The following APOLD1 variants were observed in gnomAD, a reference collection of about 807,000 sequenced individuals.
APOLD1 encodes the protein apolipoprotein L domain containing 1, also known as apolipoprotein L domain-containing protein 1.
APOLD1 carries 22 observed loss-of-function variants against 15.3 expected under a neutral mutation model. The ratio of observed to expected loss-of-function variants is 1.44; its 90% CI spans 1.03 to 2.05. The LOEUF (loss-of-function observed/expected upper bound fraction) is 2.05, where lower values mean the gene tolerates loss of function less well. Among genes scored for constraint, APOLD1 ranks in the 30% most tolerant of loss-of-function variants. The pLI is 0.00. For missense variants in APOLD1, 394 were observed against 353.5 expected (o/e 1.11, Z -0.92); for synonymous variants, 190 against 167.4 (o/e 1.13, Z -1.04).
At chr12:12,783,845 G>C (rs988003608), upstream of APOLD1, among the ~76,000 whole-genome samples, 21 of 151,788 alleles carry the variant, frequency 1.4e-4, no homozygotes, top group African/African-American at 4.6e-4. Context: ...TGTCAACCAG[G>C]CTGGTCTCGA....
At position 12,787,358 on chromosome 12, in the gene APOLD1, G is replaced by T. The variant is rs150018613; in HGVS notation, c.453G>T (p.Gln151His). 3.5e-4 allele frequency: 564 copies of T among 1,614,084 alleles called. No homozygotes were observed. Among genetic ancestry groups the T allele is most frequent in the Admixed American group, 1.4e-3 (82 of 60,034 alleles). ...GCTGGCAGGGCTGCGGGGACCGCCA[G>T]CTGCTGCAGTGCGGGAGGAACGCCT... Reference protein sequence around the residue: ...FCRWQGCGDRQLLQCGRNASI... With the variant: ...FCRWQGCGDRHLLQCGRNASI... Residue 151 changes from glutamine (Q) to histidine (H), a missense_variant, in exon 2 of 2, where the codon CAG becomes CAT. By Grantham distance (24) the Gln-to-His change is conservative. Transcript: ENST00000356591. The surrounding 1 kb of genome is among the most constrained non-coding windows in gnomAD (Gnocchi z 4.9).
At chr12:12,748,649 GTT>G (rs11339092) in intron 1 of APOLD1, among the ~76,000 whole-genome samples, 37 of 149,264 alleles carry the variant, frequency 2.5e-4, no homozygotes, top group African/African-American at 7.6e-4. Flanking sequence ...ATAATTATGG[GTT>G]TTTTTTTTTA....
chr12:12,749,527 T>G (rs1471911828), intron 1 of APOLD1, among the ~76,000 whole-genome samples: 2 of 152,204 alleles, frequency 1.3e-5, no homozygotes, highest in Non-Finnish European at 2.9e-5. Flanking sequence ...TCCATAGAAG[T>G]GCAACTTTGT....
At chr12:12,768,918 T>C (rs1162927830) in intron 1 of APOLD1, among the ~76,000 whole-genome samples, 1 of 151,742 alleles carries the variant, frequency 6.6e-6, no homozygotes, top group East Asian at 1.9e-4. Context: ...CATTCTGGCA[T>C]GTAAGGAGCT....
chr12:12,747,669 A>T (rs900322948), intron 1 of APOLD1, among the ~76,000 whole-genome samples: 17 of 152,192 alleles, frequency 1.1e-4, no homozygotes, highest in African/African-American at 3.6e-4. Flanking sequence ...CCATTCCTTT[A>T]TCTTATTTCT....
At chr12:12,754,721 A>G (rs575496985) in intron 1 of APOLD1, among the ~76,000 whole-genome samples, 1 of 151,762 alleles carries the variant, frequency 6.6e-6, no homozygotes. Flanking sequence ...GTGAGTCACC[A>G]TGCCTGGCCG....
Position 12,787,004 on chromosome 12 carries a change from C to A in APOLD1, c.99C>A (p.Gly33=). 7.1e-7 allele frequency: 1 copy of A among 1,411,740 alleles called. No homozygotes were observed. The highest frequency in any genetic ancestry group is 1.5e-5 in the South Asian group (1 of 65,672). The allele number at this position is 1,411,740 out of a possible 1,614,324, so 87.5% of individuals were successfully genotyped here. ...TGGACCGCCGAGGCCGGCTGCACGG[C>A]CAGGTGCTGCGCCTGCGCGAGGTGG... ...LLLDRRGRLH[G]QVLRLREVAR... The change falls in exon 2 of 2, where the codon GGC becomes GGA. Residue 33 remains glycine, a synonymous_variant. Coordinates refer to ENST00000356591, the MANE Select transcript of APOLD1 (RefSeq NM_030817.3). The surrounding 1 kb of genome is among the most constrained non-coding windows in gnomAD (Gnocchi z 4.9).
chr12:12,733,882 G>T (rs546272350), intron 1 of APOLD1, among the ~76,000 whole-genome samples: 1 of 152,172 alleles, frequency 6.6e-6, no homozygotes, highest in East Asian at 1.9e-4. Context: ...GGGATTACAG[G>T]CGTGAGCCAC....
intron 1 of APOLD1, chr12:12,786,631 C>T: frequency 2.0e-6 from 2 of 984,160 alleles, no homozygotes; most frequent in Non-Finnish European, 2.4e-6. Context: ...TGATGAAGCC[C>T]ATCGTTAACG....
chr12:12,786,624 T>A, intron 1 of APOLD1: 1 of 982,190 alleles, frequency 1.0e-6, no homozygotes. Flanking sequence ...ACATAGCTGA[T>A]GAAGCCCATC....
upstream of APOLD1, among the ~76,000 whole-genome samples, chr12:12,783,155 G>T (rs1371107316): frequency 6.6e-6 from 1 of 152,098 alleles, no homozygotes; most frequent in East Asian, 1.9e-4. Flanking sequence ...GCAGTGAGCT[G>T]AGATCATGCC....
intron 1 of APOLD1, 102 bp from the exon 2 acceptor site, chr12:12,786,807 C>T: frequency 1.5e-6 from 2 of 1,314,716 alleles, no homozygotes; most frequent in Non-Finnish European, 1.9e-6. Flanking sequence ...AGTGGCTGCT[C>T]CGCTGAACTC....
At chr12:12,738,831 T>C (rs2136372244) in intron 1 of APOLD1, among the ~76,000 whole-genome samples, 1 of 152,324 alleles carries the variant, frequency 6.6e-6, no homozygotes, top group East Asian at 1.9e-4. Context: ...CCTTTGTTCC[T>C]GAGGATAGAA....
chr12:12,782,542 C>G (rs1947089378), upstream of APOLD1, among the ~76,000 whole-genome samples: 1 of 152,190 alleles, frequency 6.6e-6, no homozygotes, highest in Admixed American at 6.5e-5. Flanking sequence ...ACAGTGACAA[C>G]TTGTCTCTAC....
chr12:12,726,131 C>T (rs552054785), intron 1 of APOLD1: 2 of 1,024,608 alleles, frequency 2.0e-6, no homozygotes, highest in Non-Finnish European at 2.7e-6. Flanking sequence ...TGGAGGTGGC[C>T]CGGAAAAGAA....
chr12:12,736,139 CAG>C (rs1468310724), intron 1 of APOLD1, among the ~76,000 whole-genome samples: 2 of 151,772 alleles, frequency 1.3e-5, no homozygotes, highest in Admixed American at 1.3e-4. Context: ...GTGGATCACT[CAG>C]GAGTTCAAGA....
At chr12:12,750,919 C>T (rs181997213) in intron 1 of APOLD1, among the ~76,000 whole-genome samples, 53 of 151,218 alleles carry the variant, frequency 3.5e-4, no homozygotes, top group African/African-American at 1.2e-3. Flanking sequence ...GGACTATAGG[C>T]ATGGGCTACT....
At chr12:12,732,951 A>G (rs1254999247) in intron 1 of APOLD1, among the ~76,000 whole-genome samples, 1 of 152,130 alleles carries the variant, frequency 6.6e-6, no homozygotes, top group African/African-American at 2.4e-5. Context: ...TGAACTAACC[A>G]TAGTATATGC....
chr12:12,747,736 C>G (rs1422743561), intron 1 of APOLD1, among the ~76,000 whole-genome samples: 1 of 152,084 alleles, frequency 6.6e-6, no homozygotes, highest in African/African-American at 2.4e-5. Context: ...GCCCTTCTTG[C>G]AACATTTGGT....
Sources: gnomAD v4.1 joint callset for allele counts (sites outside exome capture counted in the v4.1 genomes callset) on GRCh38, gnomAD v4.1.1 for gene constraint, Gnocchi (gnomAD v3.1) non-coding constraint, MANE v1.5 for transcripts, NCBI Gene and HGNC (gene_info 2026-07-23, HGNC 2026-07-21) for gene names.